The following CCDC88A variants were observed in gnomAD, a reference collection of about 807,000 sequenced individuals.
CCDC88A encodes coiled-coil and HOOK domain protein 88A.
Under a neutral mutation model 234.3 loss-of-function variants are expected in CCDC88A, and 54 were observed. The ratio of observed to expected loss-of-function variants is 0.23; its 90% confidence interval spans 0.19 to 0.29. CCDC88A has a LOEUF of 0.29. Among genes scored for constraint, CCDC88A ranks in the 10% least tolerant of loss-of-function variants. The pLI, the probability that CCDC88A is intolerant of heterozygous loss-of-function variation, is 1.00. For synonymous variants in CCDC88A, 753 were observed against 737.8 expected (o/e 1.02, Z -0.33); for missense variants, 1,832 against 2,123.4 (o/e 0.86, Z 2.70).
chr2:55,326,516 A>G (rs974887710), intron 17 of CCDC88A, among the ~76,000 whole-genome samples: 1 of 152,234 alleles, frequency 6.6e-6, no homozygotes, highest in Non-Finnish European at 1.5e-5. Flanking sequence ...AATACATAGC[A>G]GGAAGCTAGT....
Position 55,309,192 on chromosome 2 carries a change from T to C in CCDC88A, c.4142A>G (p.Tyr1381Cys). 1 of 1,560,642 alleles carries C rather than the reference T, an allele frequency of 6.4e-7. No individual in the cohort carries two copies. The highest frequency in any genetic ancestry group is 8.8e-7 in the Non-Finnish European group (1 of 1,139,404). The change falls in exon 24 of 33, where the codon TAC becomes TGC. Residue 1381 changes from tyrosine (Y) to cysteine (C), a missense_variant. Tyr to Cys is a radical substitution (Grantham distance 194). Transcript: ENST00000436346. The surrounding 1 kb of genome is among the most constrained non-coding windows in gnomAD (Gnocchi z 5.1). Reference sequence around the variant, plus strand: ...AGGAGGAGATGGGTCATAAAATTTGTATTGATCCATAATTTTCTCTTCTAG... The same window carrying C: ...AGGAGGAGATGGGTCATAAAATTTGCATTGATCCATAATTTTCTCTTCTAG... The part of the protein sequence containing the change: ...EKLEEKIMDQ[Y>C]KFYDPSPPRR...
At chr2:55,395,257 C>A (rs1677335162) in intron 2 of CCDC88A, among the ~76,000 whole-genome samples, 1 of 152,206 alleles carries the variant, frequency 6.6e-6, no homozygotes, top group African/African-American at 2.4e-5. Flanking sequence ...GGATTTCAGG[C>A]ACAAGCCACA....
At chr2:55,390,011 A>C (rs1471101087) in intron 2 of CCDC88A, among the ~76,000 whole-genome samples, 3 of 132,896 alleles carry the variant, frequency 2.3e-5, no homozygotes, top group Non-Finnish European at 3.1e-5. Context: ...ACTGCACTCC[A>C]GCCTGGGCTA....
rs773880059 is a variant in CCDC88A, at chr2:55,289,094, G to A, written c.*2106C>T. 3 of 152,692 alleles carry A rather than the reference G, an allele frequency of 2.0e-5. No individual in the cohort carries two copies. Among genetic ancestry groups the A allele is most frequent in the South Asian group, 2.1e-4 (1 of 4,828 alleles). 9.5% of individuals were successfully genotyped at this position (152,692 alleles called of 1,614,324 possible). On this transcript the variant is annotated 3_prime_UTR_variant, in exon 33 of 33. Coordinates refer to ENST00000436346, the MANE Select transcript of CCDC88A (RefSeq NM_001365480.1). ...CCTACTCAGATTCAGTACTTTACAC[G>A]TTGTTTTCAGCATTTTCTGCTTGAA... is the stretch of plus-strand genomic sequence containing the variant.
intron 5 of CCDC88A, among the ~76,000 whole-genome samples, chr2:55,365,169 G>A (rs1470188526): frequency 6.6e-6 from 1 of 152,132 alleles, no homozygotes; most frequent in Non-Finnish European, 1.5e-5. Flanking sequence ...TACCAGAAAT[G>A]TATAATTCCT....
chr2:55,307,430 G>A (rs1574038778), intron 25 of CCDC88A, among the ~76,000 whole-genome samples: 1 of 148,166 alleles, frequency 6.7e-6, no homozygotes, highest in Non-Finnish European at 1.5e-5. Context: ...TGCAATCTCA[G>A]CCTCAGCCTC....
At chr2:55,371,839 C>T (rs894734474) in intron 5 of CCDC88A, among the ~76,000 whole-genome samples, 2 of 151,966 alleles carry the variant, frequency 1.3e-5, no homozygotes, top group African/African-American at 4.8e-5. Context: ...GTCCCAATTT[C>T]GATAAAAACT....
chr2:55,323,467 G>T (rs1336381944), intron 17 of CCDC88A: 1 of 152,138 alleles, frequency 6.6e-6, no homozygotes, highest in African/African-American at 2.4e-5. Flanking sequence ...AGACTAAAAA[G>T]ATGCCAAGAT....
chr2:55,384,650 C>CGT lies in CCDC88A; in HGVS notation c.273+4127_273+4128insAC, dbSNP rs1558789173. On this transcript the variant is annotated intron_variant, in intron 3 of 32. Coordinates refer to ENST00000436346, the MANE Select transcript of CCDC88A (RefSeq NM_001365480.1). ...ATATATGTATATATGTGTATATATA[C>CGT]ATATATATATATATATATTTTTTAA... is the stretch of plus-strand genomic sequence containing the variant. Among the ~76,000 whole-genome samples, 18 of 4,252 alleles carry CGT rather than the reference C, an allele frequency of 4.2e-3. 5 individuals carry two copies. The highest frequency in any genetic ancestry group is 0.015 in the African/African-American group (8 of 538). The allele number at this position is 4,252 out of a possible 152,430, so 2.8% of individuals were successfully genotyped here. A position where few individuals can be genotyped will look rare whatever the true frequency, so the allele number is the denominator to read the frequency against.
At position 55,418,699 on chromosome 2, in the gene CCDC88A, C is replaced by T. The variant is rs1681862892; in HGVS notation, c.164+117G>A. 7 of 732,296 alleles carry T rather than the reference C, an allele frequency of 9.6e-6. No homozygotes were observed. In the South Asian group the frequency reaches 1.1e-4, roughly 12 times the overall value. 45.4% of individuals were successfully genotyped at this position (732,296 alleles called of 1,614,324 possible). On this transcript the variant is annotated intron_variant, in intron 2 of 32. Transcript: ENST00000436346. ...TTCCTTTCAAGATCCAATTCTTAAACCACCTGAATATTTCTGGCCAATGAA... is the reference window on the plus strand; with the variant it reads ...TTCCTTTCAAGATCCAATTCTTAAATCACCTGAATATTTCTGGCCAATGAA...
At position 55,328,203 on chromosome 2, in the gene CCDC88A, GTTTATATTTTTATTTTCTAC is replaced by G; in HGVS notation, c.2997+71_2997+90del. 2.0e-6 allele frequency: 2 copies of G among 975,770 alleles called. No homozygotes were observed. The highest frequency in any genetic ancestry group is 1.7e-5 in the South Asian group (1 of 59,930). 60.4% of individuals were successfully genotyped at this position (975,770 alleles called of 1,614,324 possible). A position where few individuals can be genotyped will look rare whatever the true frequency, so the allele number is the denominator to read the frequency against. On this transcript the variant is annotated intron_variant, in intron 17 of 32. Transcript: ENST00000436346. The surrounding 1 kb of genome is among the most constrained non-coding windows in gnomAD (Gnocchi z 4.3). ...GAAATAGACTAAATATCAATAAAAT[GTTTATATTTTTATTTTCTAC>G]TTTATATTTTTCTGTCCAAATATTT...
In CCDC88A at chr2:55,355,673, C is replaced by T; in HGVS notation, c.706G>A (p.Gly236Ser). Residue 236 changes from glycine to serine, a missense_variant, in exon 8 of 33, where the codon GGT (glycine) becomes AGT (serine). By Grantham distance (56) the Gly-to-Ser change is moderately conservative. This residue lies in a region of CCDC88A where 1,282 missense variants were observed against 1,543.6 expected (regional missense o/e 0.83). Coordinates refer to ENST00000436346, the MANE Select transcript of CCDC88A (RefSeq NM_001365480.1). ...TCTGTTCGCTTCATGCCTGGAGAACCACAGGGTGACTGTGCAGATGAAGAG... is the reference window on the plus strand; with the variant it reads ...TCTGTTCGCTTCATGCCTGGAGAACTACAGGGTGACTGTGCAGATGAAGAG... Reference protein sequence around the residue: ...HASSSAQSPCGSPGMKRTESR... With the variant: ...HASSSAQSPCSSPGMKRTESR... The T allele has an allele frequency of 6.2e-7, 1 of 1,613,956 alleles. No homozygotes were observed. The highest frequency in any genetic ancestry group is 1.3e-5 in the African/African-American group (1 of 75,014).
At chr2:55,415,211 T>C (rs1177342803) in intron 2 of CCDC88A, among the ~76,000 whole-genome samples, 1 of 152,006 alleles carries the variant, frequency 6.6e-6, no homozygotes, top group Non-Finnish European at 1.5e-5. Context: ...ACTACTCAGA[T>C]GTTTAGGGTG....
At chr2:55,355,789 T>A in intron 7 of CCDC88A, 38 bp from the exon 8 acceptor site, 6 of 1,546,294 alleles carry the variant, frequency 3.9e-6, no homozygotes, top group Non-Finnish European at 5.3e-6. Flanking sequence ...GTATTCTACA[T>A]ATTAGCAAAC....
In CCDC88A at chr2:55,400,110, T is replaced by C. The variant is rs543514445; in HGVS notation, c.165-11224A>G. Among the ~76,000 whole-genome samples, 5 of 152,344 alleles carry C rather than the reference T, an allele frequency of 3.3e-5. No individual in the cohort carries two copies. The South Asian group carries it at 1.0e-3, about 32-fold the overall frequency. On this transcript the variant is annotated intron_variant, in intron 2 of 32. Coordinates refer to ENST00000436346, the MANE Select transcript of CCDC88A (RefSeq NM_001365480.1). ...GTAGTCTATTAAATATTCCAAATAT[T>C]CTGCCTTTCATTTTAATACTTAAAA...
At chr2:55,405,534 T>C (rs1445560151) in intron 2 of CCDC88A, 1 of 152,262 alleles carries the variant, frequency 6.6e-6, no homozygotes, top group African/African-American at 2.4e-5. Context: ...AGTATACACA[T>C]TCAGTACTAT....
chr2:55,295,405 A>G (rs1231629704), intron 31 of CCDC88A, 192 bp downstream of exon 31: 8 of 1,548,176 alleles, frequency 5.2e-6, no homozygotes, highest in Non-Finnish European at 5.2e-6. Context: ...AACATTCCGA[A>G]TGCATCACTA....
intron 7 of CCDC88A, among the ~76,000 whole-genome samples, chr2:55,358,345 G>A (rs1005667611): frequency 2.0e-5 from 3 of 152,084 alleles, no homozygotes; most frequent in Admixed American, 2.0e-4. Context: ...TGACTCTATC[G>A]CTGTTATCCT....
intron 31 of CCDC88A, chr2:55,295,352 A>T: frequency 6.6e-7 from 1 of 1,523,562 alleles, no homozygotes; most frequent in South Asian, 1.2e-5. Context: ...AGAATGGCTG[A>T]GATGAATGGG....
Sources: allele counts gnomAD v4.1 joint callset (sites outside exome capture counted in the v4.1 genomes callset), GRCh38; gene constraint gnomAD v4.1.1; regional missense constraint gnomAD v4.1.1; non-coding constraint Gnocchi (gnomAD v3.1); transcripts MANE v1.5; gene names NCBI Gene and HGNC (gene_info 2026-07-23, HGNC 2026-07-21).